PTPRD: variants seen among roughly 807,000 people sequenced by gnomAD.
The protein encoded by PTPRD is receptor-type tyrosine-protein phosphatase delta.
Under a neutral mutation model 214.5 loss-of-function variants are expected in PTPRD, and 34 were observed. The ratio of observed to expected loss-of-function variants is 0.16; its 90% confidence interval spans 0.12 to 0.21. The LOEUF (loss-of-function observed/expected upper bound fraction) is 0.21. PTPRD is among the 10% of genes least tolerant of loss of function. The probability of loss-of-function intolerance (pLI) is 1.00; values close to 1 mark genes in which losing one functional copy is unlikely to be tolerated. For missense variants in PTPRD, 2,545 were observed against 2,398.7 expected, an observed-to-expected ratio of 1.06 and a Z score of -1.27; for synonymous variants, 1,128 against 845.7, an observed-to-expected ratio of 1.33 and a Z score of -5.79.
At chr9:9,970,330 G>T (rs1221206648) in intron 4 of PTPRD, among the ~76,000 whole-genome samples, 1 of 150,880 alleles carries the variant, frequency 6.6e-6, no homozygotes, top group Non-Finnish European at 1.5e-5. Context: ...GGCACCTGTA[G>T]TCCCAGCTAC....
intron 7 of PTPRD, among the ~76,000 whole-genome samples, chr9:9,633,538 A>T (rs1483301000): frequency 6.6e-6 from 1 of 152,098 alleles, no homozygotes; most frequent in East Asian, 1.9e-4. Flanking sequence ...AGCAGATATT[A>T]TTTCTTTATA....
At chr9:10,301,859 C>G (rs956484000) in intron 3 of PTPRD, among the ~76,000 whole-genome samples, 1 of 152,110 alleles carries the variant, frequency 6.6e-6, no homozygotes, top group African/African-American at 2.4e-5. Flanking sequence ...AGGGTATTAT[C>G]CAGGAAAACT....
chr9:10,194,557 G>C (rs575148948), intron 3 of PTPRD, among the ~76,000 whole-genome samples: 12 of 151,768 alleles, frequency 7.9e-5, no homozygotes, highest in African/African-American at 2.7e-4. Flanking sequence ...TCCTATTCTG[G>C]TTCAGTCTGT....
chr9:8,487,320 T>C (rs192308440), intron 27 of PTPRD, among the ~76,000 whole-genome samples: 1 of 152,284 alleles, frequency 6.6e-6, no homozygotes, highest in East Asian at 1.9e-4. Flanking sequence ...AATCTACTCA[T>C]TCAATGTATT....
At chr9:8,507,278 G>C in intron 22 of PTPRD, 23 bp downstream of exon 22, 2 of 1,605,556 alleles carry the variant, frequency 1.2e-6, no homozygotes, top group South Asian at 1.1e-5. Context: ...TAATTCCCAA[G>C]GTGAGAAGCA....
intron 5 of PTPRD, among the ~76,000 whole-genome samples, chr9:9,926,151 G>A (rs2084230673): frequency 6.6e-6 from 1 of 152,010 alleles, no homozygotes; most frequent in Non-Finnish European, 1.5e-5. Flanking sequence ...TACGTTCCAG[G>A]CTTGTACTTC....
At chr9:8,591,596 T>C (rs957169471) in intron 14 of PTPRD, among the ~76,000 whole-genome samples, 1 of 152,142 alleles carries the variant, frequency 6.6e-6, no homozygotes. Context: ...GAGGTGGACA[T>C]TTTCCAAGTG....
At chr9:9,820,333 G>A (rs2050268154) in intron 5 of PTPRD, among the ~76,000 whole-genome samples, 1 of 151,942 alleles carries the variant, frequency 6.6e-6, no homozygotes. Flanking sequence ...TTAAAATGGG[G>A]CTGTTTTTGG....
chr9:9,759,280 C>A (rs762377613), intron 6 of PTPRD, among the ~76,000 whole-genome samples: 13 of 152,036 alleles, frequency 8.6e-5, no homozygotes, highest in Non-Finnish European at 1.8e-4. Flanking sequence ...AAATATTAAA[C>A]TACTATGTAC....
intron 9 of PTPRD, among the ~76,000 whole-genome samples, chr9:9,278,704 C>A (rs747976129): frequency 1.3e-5 from 2 of 151,314 alleles, no homozygotes; most frequent in Non-Finnish European, 3.0e-5. Flanking sequence ...GTCAGTCAGA[C>A]CTGCGGAATT....
At chr9:8,713,180 A>T in intron 12 of PTPRD, 1 of 565,680 alleles carries the variant, frequency 1.8e-6, no homozygotes, top group Non-Finnish European at 3.1e-6. Flanking sequence ...TGTCAGTGCC[A>T]GAATTTCAGG....
intron 2 of PTPRD, among the ~76,000 whole-genome samples, chr9:10,602,322 T>C (rs2078188411): frequency 6.6e-6 from 1 of 151,874 alleles, no homozygotes; most frequent in African/African-American, 2.4e-5. Context: ...TCTTGTCCTT[T>C]CAAAATTAGG....
In PTPRD at chr9:8,500,981, G is replaced by C. The variant is rs1360338435; in HGVS notation, c.1901C>G (p.Pro634Arg). 1 of 1,613,944 alleles carries C rather than the reference G, an allele frequency of 6.2e-7. No homozygotes were observed. Among genetic ancestry groups the C allele is most frequent in the African/African-American group, 1.3e-5 (1 of 74,894 alleles). The change falls in exon 24 of 46, where the codon CCA becomes CGA. Residue 634 changes from proline (P) to arginine (R), a missense_variant. Coordinates refer to ENST00000381196, the MANE Select transcript of PTPRD (RefSeq NM_002839.4). ...TSILVSWQPP[P>R]VEKQNGIITE... is the part of the protein sequence containing the mutation. Reference sequence around the variant, plus strand: ...GATAATGCCATTCTGTTTTTCCACTGGTGGAGGTTGCCAACTTACCAAAAT... The same window carrying C: ...GATAATGCCATTCTGTTTTTCCACTCGTGGAGGTTGCCAACTTACCAAAAT...
At chr9:10,456,644 C>G (rs916351673) in intron 2 of PTPRD, among the ~76,000 whole-genome samples, 1 of 151,918 alleles carries the variant, frequency 6.6e-6, no homozygotes, top group African/African-American at 2.4e-5. Context: ...GATGCAGACT[C>G]AGACACAGCA....
At chr9:9,063,869 T>C (rs962667904) in intron 10 of PTPRD, among the ~76,000 whole-genome samples, 1 of 152,210 alleles carries the variant, frequency 6.6e-6, no homozygotes, top group African/African-American at 2.4e-5. Context: ...GATAAGTACA[T>C]AGCTTACGTA....
chr9:10,551,279 C>T (rs567693140), intron 2 of PTPRD, among the ~76,000 whole-genome samples: 2 of 152,272 alleles, frequency 1.3e-5, no homozygotes, highest in South Asian at 4.1e-4. Context: ...TTCCAGGTTA[C>T]AGTGAGCTAT....
At chr9:8,641,805 G>C (rs2096582652) in intron 12 of PTPRD, among the ~76,000 whole-genome samples, 1 of 152,186 alleles carries the variant, frequency 6.6e-6, no homozygotes, top group East Asian at 1.9e-4. Flanking sequence ...GTTTCTTAAA[G>C]TCTAACCAAT....
chr9:9,230,766 T>A (rs1210539675), intron 9 of PTPRD, among the ~76,000 whole-genome samples: 2 of 152,198 alleles, frequency 1.3e-5, no homozygotes, highest in East Asian at 3.9e-4. Context: ...GATGCTATAA[T>A]CAATTGGCTG....
chr9:8,507,455 G>C (rs375429375), intron 21 of PTPRD, 21 bp from the exon 22 acceptor site: 69 of 1,613,324 alleles, frequency 4.3e-5, no homozygotes, highest in Non-Finnish European at 5.3e-5. Flanking sequence ...GGAGGCAATG[G>C]ATTGAACTCA....
Sources: gnomAD v4.1 joint callset for allele counts (sites outside exome capture counted in the v4.1 genomes callset) on GRCh38, gnomAD v4.1.1 for gene constraint, MANE v1.5 for transcripts, NCBI Gene and HGNC (gene_info 2026-07-23, HGNC 2026-07-21) for gene names.